The following SYTL5 variants were observed in gnomAD, a reference collection of about 807,000 sequenced individuals.
SYTL5 encodes synaptotagmin like 5, also known as synaptotagmin-like protein 5.
Under a neutral mutation model 55.9 loss-of-function variants are expected in SYTL5, and 34 were observed. The ratio of observed to expected loss-of-function variants is 0.61; its 90% CI spans 0.46 to 0.81. The LOEUF is 0.81. Ranked by LOEUF, SYTL5 falls within the 30% of genes least tolerant of loss-of-function variation. The probability of loss-of-function intolerance (pLI) is 0.00; values close to 1 mark genes in which losing one functional copy is unlikely to be tolerated. For synonymous variants in SYTL5, 221 were observed against 188.7 expected (o/e 1.17, Z -1.40); for missense variants, 637 against 546.7 (o/e 1.17, Z -1.65).
chrX:38,000,446 TG>T, the SYTL5 span, among the ~76,000 whole-genome samples: 3 of 112,480 alleles, frequency 2.7e-5, no homozygotes, highest in African/African-American at 9.7e-5. Flanking sequence ...GATGGACGTG[TG>T]GCTCACTTCT....
At chrX:38,123,380 C>T (rs772376544) in intron 15 of SYTL5, among the ~76,000 whole-genome samples, 14 of 111,622 alleles carry the variant, frequency 1.3e-4, no homozygotes, top group Non-Finnish European at 2.6e-4. Flanking sequence ...CTGCCTGCCT[C>T]GGCCTCCCAA....
At chrX:37,920,946 A>G in the SYTL5 span, among the ~76,000 whole-genome samples, 1 of 111,399 alleles carries the variant, frequency 9.0e-6, no homozygotes, top group Admixed American at 9.6e-5. Flanking sequence ...TAAAAGGGTC[A>G]CATGATCCCT....
At chrX:37,969,346 A>T in the SYTL5 span, among the ~76,000 whole-genome samples, 1 of 111,552 alleles carries the variant, frequency 9.0e-6, no homozygotes, top group African/African-American at 3.3e-5. Context: ...AAAAATTACC[A>T]AGGTTATGTA....
At chrX:38,012,690 A>C (rs945703581) in intron 1 of SYTL5, among the ~76,000 whole-genome samples, 1 of 112,136 alleles carries the variant, frequency 8.9e-6, no homozygotes, top group South Asian at 3.7e-4. Flanking sequence ...AGAGCTATTT[A>C]TGTACAACAA....
At chrX:37,925,450 G>A in the SYTL5 span, among the ~76,000 whole-genome samples, 6 of 111,459 alleles carry the variant, frequency 5.4e-5, no homozygotes, top group East Asian at 1.1e-3. Context: ...TTGTTTGGAG[G>A]AAGCTGTTTA....
intron 2 of SYTL5, among the ~76,000 whole-genome samples, chrX:38,043,661 G>GTGTATATATATATA (rs1285664433): frequency 8.0e-5 from 4 of 50,157 alleles, no homozygotes; most frequent in African/African-American, 3.8e-4. Context: ...ATGTATGTAT[G>GTGTATATATATATA]TATATATATA....
intron 14 of SYTL5, among the ~76,000 whole-genome samples, chrX:38,120,917 G>A (rs1253433188): frequency 1.8e-5 from 2 of 111,488 alleles, no homozygotes; most frequent in Admixed American, 1.9e-4. Flanking sequence ...GTATTAAGCT[G>A]TTTTTGCATT....
intron 2 of SYTL5, among the ~76,000 whole-genome samples, chrX:38,042,184 G>A (rs1347584786): frequency 9.1e-6 from 1 of 109,731 alleles, no homozygotes; most frequent in African/African-American, 3.3e-5. Flanking sequence ...CAAATACCTA[G>A]ACTATATATA....
chrX:38,090,054 T>C (rs1250098341), intron 7 of SYTL5, among the ~76,000 whole-genome samples: 2 of 112,103 alleles, frequency 1.8e-5, no homozygotes, highest in Non-Finnish European at 3.8e-5. Flanking sequence ...CTGAACCTCC[T>C]GCATCTTAGC....
the SYTL5 span, among the ~76,000 whole-genome samples, chrX:37,944,740 T>C: frequency 8.9e-6 from 1 of 112,614 alleles, no homozygotes; most frequent in Non-Finnish European, 1.9e-5. Flanking sequence ...GAGCATTGTG[T>C]GCAGTTCTTC....
intron 4 of SYTL5, 76 bp downstream of exon 4, chrX:38,072,238 GTAGT>G: frequency 1.3e-6 from 1 of 769,717 alleles, no homozygotes; most frequent in Non-Finnish European, 1.9e-6. Flanking sequence ...TCTATGTTAT[GTAGT>G]TAATCAGCAT....
chrX:37,895,253 T>A, the SYTL5 span, among the ~76,000 whole-genome samples: 2 of 112,547 alleles, frequency 1.8e-5, no homozygotes, highest in Non-Finnish European at 3.8e-5. Flanking sequence ...CAAAGCTAGA[T>A]ATACCATTTA....
intron 11 of SYTL5, among the ~76,000 whole-genome samples, chrX:38,107,573 T>A (rs1449443493): frequency 9.0e-6 from 1 of 111,701 alleles, no homozygotes; most frequent in Non-Finnish European, 1.9e-5. Context: ...ACGAGCCACT[T>A]TTATCAGTTC....
At chrX:38,120,553 T>G (rs1937560230) in intron 14 of SYTL5, 87 bp downstream of exon 14, 1 of 705,499 alleles carries the variant, frequency 1.4e-6, no homozygotes, top group Non-Finnish European at 2.2e-6. Flanking sequence ...GCATTATATT[T>G]CTTTCATATT....
chrX:37,928,693 C>T, the SYTL5 span, among the ~76,000 whole-genome samples: 1 of 112,108 alleles, frequency 8.9e-6, no homozygotes, highest in African/African-American at 3.2e-5. Context: ...TGGACAAACC[C>T]TCGTGCCTTT....
chrX:37,941,649 C>T, the SYTL5 span, among the ~76,000 whole-genome samples: 9 of 111,536 alleles, frequency 8.1e-5, no homozygotes, highest in African/African-American at 2.9e-4. Flanking sequence ...GATAAAAACA[C>T]CCCAACTTCT....
chrX:38,104,533 G>A (rs1402975899), intron 10 of SYTL5, among the ~76,000 whole-genome samples: 1 of 111,951 alleles, frequency 8.9e-6, no homozygotes, highest in Non-Finnish European at 1.9e-5. Flanking sequence ...AATAATTATG[G>A]AATTATTGGT....
chrX:37,921,765 T>C, the SYTL5 span, among the ~76,000 whole-genome samples: 1 of 111,831 alleles, frequency 8.9e-6, no homozygotes, highest in African/African-American at 3.2e-5. Flanking sequence ...CAAAGCACAG[T>C]GTAAAGCTCT....
chrX:38,008,402 T>C (rs1304747401), intron 1 of SYTL5, among the ~76,000 whole-genome samples: 2 of 111,555 alleles, frequency 1.8e-5, no homozygotes, highest in African/African-American at 3.3e-5. Flanking sequence ...TCATTTCCTT[T>C]GACCTCTGTT....
Sources: gnomAD v4.1 joint callset for allele counts (sites outside exome capture counted in the v4.1 genomes callset) on GRCh38, gnomAD v4.1.1 for gene constraint, MANE v1.5 for transcripts, NCBI Gene and HGNC (gene_info 2026-07-23, HGNC 2026-07-21) for gene names.